CYFIP2: variants seen among roughly 807,000 people sequenced by gnomAD.
CYFIP2 encodes the protein cytoplasmic FMR1-interacting protein 2.
A neutral mutation model predicts 158.7 loss-of-function variants in CYFIP2; 29 were observed. The ratio of observed to expected loss-of-function variants is 0.18; its 90% confidence interval spans 0.14 to 0.25. The LOEUF is 0.25. CYFIP2 is among the 10% of genes least tolerant of loss of function. CYFIP2 has a pLI of 1.00. For synonymous variants in CYFIP2, 585 were observed against 617.6 expected, an observed-to-expected ratio of 0.95 and a Z score of 0.78; for missense variants, 852 against 1,639.5, an observed-to-expected ratio of 0.52 and a Z score of 8.29.
chr5:157,346,539 G>A (rs910222689), intron 23 of CYFIP2, among the ~76,000 whole-genome samples: 2 of 152,124 alleles, frequency 1.3e-5, no homozygotes, highest in Admixed American at 6.5e-5. Flanking sequence ...AAGGAACACC[G>A]GGAGCCATCA....
rs757473091 is a variant in CYFIP2 at position 157,328,064 on chromosome 5, G to A, written c.2156+15G>A. On this transcript the variant is annotated intron_variant, in intron 19 of 30. Coordinates refer to ENST00000620254, the MANE Select transcript of CYFIP2 (RefSeq NM_001037333.3). Reference sequence around the variant, plus strand: ...ATGGCTGGCAGGTAGGAAAGCCCCAGAGCTGTGAGTAGCAATCTCTTAAGA... The same window carrying A: ...ATGGCTGGCAGGTAGGAAAGCCCCAAAGCTGTGAGTAGCAATCTCTTAAGA... The A allele has an allele frequency of 6.2e-7, 1 of 1,612,642 alleles. No homozygotes were observed. Among genetic ancestry groups the A allele is most frequent in the East Asian group, 2.2e-5 (1 of 44,874 alleles).
At chr5:157,384,083 A>G (rs1196601307) in intron 28 of CYFIP2, 1 of 347,084 alleles carries the variant, frequency 2.9e-6, no homozygotes, top group Non-Finnish European at 5.7e-6. Flanking sequence ...ATAGAGTGGG[A>G]GAGAAAGAAG....
intron 11 of CYFIP2, among the ~76,000 whole-genome samples, chr5:157,313,765 C>T (rs1262585456): frequency 1.3e-5 from 2 of 152,132 alleles, no homozygotes; most frequent in Non-Finnish European, 2.9e-5. Context: ...CACACATATT[C>T]TGTATCATTG....
chr5:157,267,025 G>C (rs1755661944), intron 1 of CYFIP2: 1 of 152,810 alleles, frequency 6.5e-6, no homozygotes, highest in Non-Finnish European at 1.5e-5. Context: ...GCTTGGGGAT[G>C]GGGGCAGGTA....
intron 9 of CYFIP2, among the ~76,000 whole-genome samples, chr5:157,309,461 G>T (rs2113022386): frequency 6.6e-6 from 1 of 152,328 alleles, no homozygotes; most frequent in South Asian, 2.1e-4. Flanking sequence ...CCAGTCCTTG[G>T]CCTTCACACA....
Position 157,338,837 on chromosome 5 carries a change from C to T in CYFIP2, c.2386-220C>T, listed in dbSNP as rs571658884. Among the ~76,000 whole-genome samples the T allele has an allele frequency of 2.0e-5, 3 of 152,300 alleles. No individual in the cohort carries two copies. The South Asian group carries it at 6.2e-4, about 32-fold the overall frequency. On this transcript the variant is annotated intron_variant, in intron 21 of 30. Coordinates refer to ENST00000620254, the MANE Select transcript of CYFIP2 (RefSeq NM_001037333.3). Reference sequence around the variant, plus strand: ...CCCCTTCCCCTACCTTGCCCTTAACCTTCTGGGCCTCCATTTCTGTCAGCG... The same window carrying T: ...CCCCTTCCCCTACCTTGCCCTTAACTTTCTGGGCCTCCATTTCTGTCAGCG...
intron 26 of CYFIP2, among the ~76,000 whole-genome samples, chr5:157,371,268 C>T (rs1764973319): frequency 6.6e-6 from 1 of 152,158 alleles, no homozygotes; most frequent in Admixed American, 6.5e-5. Flanking sequence ...GGCCCAGCTC[C>T]CCGTCCCCCT....
intron 23 of CYFIP2, among the ~76,000 whole-genome samples, chr5:157,346,104 G>A (rs1012915480): frequency 6.6e-6 from 1 of 151,394 alleles, no homozygotes; most frequent in Admixed American, 6.6e-5. Context: ...CCATTACATA[G>A]TTATATGGTA....
intron 3 of CYFIP2, among the ~76,000 whole-genome samples, chr5:157,292,668 T>A (rs183865781): frequency 4.5e-4 from 68 of 152,362 alleles, no homozygotes; most frequent in African/African-American, 1.5e-3. Flanking sequence ...CTATTTTGAA[T>A]AATGCTGCTA....
intron 1 of CYFIP2, among the ~76,000 whole-genome samples, chr5:157,278,870 T>G (rs10463005): frequency 0.2 from 30,821 of 152,124 alleles, 3,363 homozygotes; most frequent in South Asian, 0.28. Context: ...ACTCTCTACC[T>G]GAGTCAGCAT....
rs1580926217 is a variant in CYFIP2 at position 157,266,639 on chromosome 5, C to G, written c.-24+444C>G. On this transcript the variant is annotated intron_variant, in intron 1 of 30. Coordinates refer to ENST00000620254, the MANE Select transcript of CYFIP2 (RefSeq NM_001037333.3). This position sits in a 1 kb window ranked among gnomAD's most constrained non-coding sequence, Gnocchi z 4.2. ...CCGCCGTGACCACCGTCACCTCCCC[C>G]AGGGCCAGCGAGAGCCGCCTGGGCC... 1.3e-5 allele frequency: 2 copies of G among 152,606 alleles called. No homozygotes were observed. The highest frequency in any genetic ancestry group is 4.1e-4 in the South Asian group (2 of 4,830). The allele number at this position is 152,606 out of a possible 1,614,324, so 9.5% of individuals were successfully genotyped here.
chr5:157,395,167 T>G lies in CYFIP2; in HGVS notation c.*2167T>G, dbSNP rs559184018. Reference sequence around the variant, plus strand: ...GACTTGATCCCAGTAGACTGAGGTCTTCCCTTTCAGCAGAAAGATTTCATT... The same window carrying G: ...GACTTGATCCCAGTAGACTGAGGTCGTCCCTTTCAGCAGAAAGATTTCATT... On this transcript the variant is annotated 3_prime_UTR_variant, in exon 31 of 31. Transcript: ENST00000620254. The G allele has an allele frequency of 7.9e-5, 17 of 216,202 alleles. No individual in the cohort carries two copies. The South Asian group carries it at 1.0e-3, about 13-fold the overall frequency. The allele number at this position is 216,202 out of a possible 1,614,324, so 13.4% of individuals were successfully genotyped here.
At chr5:157,292,696 T>C (rs1222179162) in intron 3 of CYFIP2, among the ~76,000 whole-genome samples, 3 of 151,956 alleles carry the variant, frequency 2.0e-5, no homozygotes, top group Non-Finnish European at 4.4e-5. Flanking sequence ...TTGTGTTACA[T>C]GCAAATCTTG....
At chr5:157,274,890 G>T (rs1366983093) in intron 1 of CYFIP2, among the ~76,000 whole-genome samples, 1 of 151,910 alleles carries the variant, frequency 6.6e-6, no homozygotes, top group Non-Finnish European at 1.5e-5. Context: ...TTAAAATCAG[G>T]TTCTCTTTAT....
rs1487978177 is a variant in CYFIP2 at position 157,361,341 on chromosome 5, G to C, written c.2909-127G>C. ...AATCTCACTCTGGGCCTGCAGGTAA[G>C]AGGGATGCGTGGTTTGGCTTTTTGC... On this transcript the variant is annotated intron_variant, in intron 25 of 30. Transcript: ENST00000620254. This position sits in a 1 kb window ranked among gnomAD's most constrained non-coding sequence, Gnocchi z 4.4. The C allele has an allele frequency of 2.6e-6, 3 of 1,172,390 alleles. No homozygotes were observed. The highest frequency in any genetic ancestry group is 3.7e-6 in the Non-Finnish European group (3 of 820,176). 72.6% of individuals were successfully genotyped at this position (1,172,390 alleles called of 1,614,324 possible). A position where few individuals can be genotyped will look rare whatever the true frequency, so the allele number is the denominator to read the frequency against.
chr5:157,392,683 C>A (rs1275805237), intron 30 of CYFIP2, 150 bp from the exon 31 acceptor site: 4 of 836,746 alleles, frequency 4.8e-6, no homozygotes, highest in East Asian at 5.1e-5. Flanking sequence ...CACTTGATTG[C>A]CAGATCCAGG....
At chr5:157,380,841 A>C (rs964849021) in intron 26 of CYFIP2, among the ~76,000 whole-genome samples, 1 of 152,230 alleles carries the variant, frequency 6.6e-6, no homozygotes, top group Non-Finnish European at 1.5e-5. Context: ...GATGAATCAA[A>C]GGATCTAAGC....
chr5:157,287,233 A>G (rs1159629058), intron 3 of CYFIP2, 125 bp downstream of exon 3: 5 of 701,632 alleles, frequency 7.1e-6, no homozygotes, highest in Non-Finnish European at 1.2e-5. Context: ...AGTCAGAATC[A>G]TCTGCTTAAG....
intron 1 of CYFIP2, among the ~76,000 whole-genome samples, chr5:157,284,757 A>G (rs546117892): frequency 3.9e-4 from 60 of 152,332 alleles, no homozygotes; most frequent in African/African-American, 1.4e-3. Flanking sequence ...TACCCAGGTC[A>G]AGGAAGACAG....
Sources: allele counts gnomAD v4.1 joint callset (sites outside exome capture counted in the v4.1 genomes callset), GRCh38; gene constraint gnomAD v4.1.1; non-coding constraint Gnocchi (gnomAD v3.1); transcripts MANE v1.5; gene names NCBI Gene and HGNC (gene_info 2026-07-23, HGNC 2026-07-21).